Variants in PDK1 observed in about 807,000 individuals in gnomAD.
The protein encoded by PDK1 is pyruvate dehydrogenase kinase 1, also known as [Pyruvate dehydrogenase (acetyl-transferring)] kinase isozyme 1, mitochondrial.
In PDK1, 39 loss-of-function variants were observed where a neutral mutation model predicts 54.2. The ratio of observed to expected loss-of-function variants is 0.72; its 90% CI spans 0.56 to 0.94. PDK1 has a LOEUF of 0.94. Ranked by LOEUF, PDK1 falls within the 40% of genes least tolerant of loss-of-function variation. PDK1 has a pLI of 0.00. For synonymous variants in PDK1, 221 were observed against 207.1 expected, an observed-to-expected ratio of 1.07 and a Z score of -0.58; for missense variants, 552 against 566.0, an observed-to-expected ratio of 0.98 and a Z score of 0.25.
chr2:172,558,761 C>G lies in PDK1; in HGVS notation c.250C>G (p.Pro84Ala). Residue 84 changes from proline to alanine, a missense_variant, in exon 2 of 11, where the codon CCT becomes GCT. Coordinates refer to ENST00000282077, the MANE Select transcript of PDK1 (RefSeq NM_002610.5). ...TSFMFLRQEL[P>A]VRLANIMKEI... is the part of the protein sequence containing the mutation. Reference sequence around the variant, plus strand: ...ATTTATGTTTCTGCGGCAAGAGTTGCCTGTCAGACTGGCAAATATAATGAA... The same window carrying G: ...ATTTATGTTTCTGCGGCAAGAGTTGGCTGTCAGACTGGCAAATATAATGAA... 6.2e-7 allele frequency: 1 copy of G among 1,610,208 alleles called. No homozygotes were observed. Among genetic ancestry groups the G allele is most frequent in the Non-Finnish European group, 8.5e-7 (1 of 1,178,608 alleles).
the PDK1 span, among the ~76,000 whole-genome samples, chr2:172,692,642 A>G: frequency 1.3e-5 from 2 of 152,006 alleles, no homozygotes; most frequent in African/African-American, 4.8e-5. Context: ...TTATAGGGAG[A>G]GGGTATTGAG....
chr2:172,585,196 A>T (rs752769412), intron 8 of PDK1, among the ~76,000 whole-genome samples: 1 of 150,064 alleles, frequency 6.7e-6, no homozygotes, highest in African/African-American at 2.5e-5. Context: ...ATGGGGTCTT[A>T]CTCTGTTGTG....
chr2:172,701,311 T>C, the PDK1 span, among the ~76,000 whole-genome samples: 1 of 146,138 alleles, frequency 6.8e-6, no homozygotes, highest in Non-Finnish European at 1.5e-5. Flanking sequence ...AGATACTATG[T>C]TTTGATTAAA....
intron 8 of PDK1, among the ~76,000 whole-genome samples, chr2:172,585,773 T>C (rs974645407): frequency 6.6e-6 from 1 of 152,168 alleles, no homozygotes; most frequent in African/African-American, 2.4e-5. Context: ...TGATGGAGTT[T>C]ATGTATTAGA....
rs1282520874 is a variant in PDK1, at chr2:172,595,839, C to T, written c.1181C>T (p.Thr394Ile). ...GTTTTTCTTTTTCAGGCTCTGTCAACAGACTCAATAGAAAGACTCCCAGTG... is the reference window on the plus strand; with the variant it reads ...GTTTTTCTTTTTCAGGCTCTGTCAATAGACTCAATAGAAAGACTCCCAGTG... ...DAVIYIKALS[T>I]DSIERLPVYN... Residue 394 changes from threonine (T) to isoleucine (I), a missense_variant, in exon 11 of 11, where the codon ACA becomes ATA. Physicochemically the swap from Thr to Ile is moderately conservative, Grantham distance 89. Coordinates refer to ENST00000282077, the MANE Select transcript of PDK1 (RefSeq NM_002610.5). The T allele has an allele frequency of 6.2e-7, 1 of 1,613,674 alleles. No homozygotes were observed. Among genetic ancestry groups the T allele is most frequent in the Admixed American group, 1.7e-5 (1 of 59,996 alleles).
chr2:172,651,511 C>A, the PDK1 span, among the ~76,000 whole-genome samples: 2 of 152,016 alleles, frequency 1.3e-5, no homozygotes, highest in Non-Finnish European at 2.9e-5. Flanking sequence ...AAAAACCCTT[C>A]AAAAAATCAA....
chr2:172,614,200 G>T, the PDK1 span, among the ~76,000 whole-genome samples: 1 of 147,928 alleles, frequency 6.8e-6, no homozygotes, highest in Non-Finnish European at 1.5e-5. Context: ...CATCCCTGCA[G>T]GTTCAGGGGT....
chr2:172,716,104 T>C, the PDK1 span, among the ~76,000 whole-genome samples: 2 of 152,300 alleles, frequency 1.3e-5, no homozygotes, highest in Admixed American at 1.3e-4. Context: ...TTAGCAAAAA[T>C]GAACAAAGTT....
chr2:172,592,207 C>A (rs930865105), intron 9 of PDK1, among the ~76,000 whole-genome samples: 2 of 152,248 alleles, frequency 1.3e-5, no homozygotes, highest in Admixed American at 6.5e-5. Flanking sequence ...TATAGGGTTA[C>A]AGAGAAGACC....
the PDK1 span, among the ~76,000 whole-genome samples, chr2:172,684,871 C>T: frequency 6.6e-6 from 1 of 152,176 alleles, no homozygotes; most frequent in East Asian, 1.9e-4. Flanking sequence ...ATCCAAATCT[C>T]ATCTTGAATT....
chr2:172,713,312 T>A, the PDK1 span, among the ~76,000 whole-genome samples: 1 of 152,154 alleles, frequency 6.6e-6, no homozygotes, highest in African/African-American at 2.4e-5. Flanking sequence ...AAGTTTTCAC[T>A]CCAGTCCGTG....
the PDK1 span, among the ~76,000 whole-genome samples, chr2:172,636,971 G>A: frequency 2.0e-5 from 3 of 152,198 alleles, no homozygotes; most frequent in African/African-American, 7.2e-5. Flanking sequence ...AGGGTAAACA[G>A]TAAGTCTCCT....
intron 8 of PDK1, among the ~76,000 whole-genome samples, chr2:172,580,299 C>T (rs1191851841): frequency 6.8e-6 from 1 of 146,938 alleles, no homozygotes; most frequent in Non-Finnish European, 1.5e-5. Flanking sequence ...AGTTGTGTGT[C>T]AGCTACTTTC....
At chr2:172,684,145 G>T in the PDK1 span, among the ~76,000 whole-genome samples, 1 of 152,228 alleles carries the variant, frequency 6.6e-6, no homozygotes, top group Non-Finnish European at 1.5e-5. Flanking sequence ...ACTGGGCTGG[G>T]TGCAGTGGCT....
the PDK1 span, chr2:172,723,865 G>GTCAC: frequency 6.6e-6 from 1 of 152,150 alleles, no homozygotes; most frequent in Non-Finnish European, 1.5e-5. Flanking sequence ...GGCAACTGTG[G>GTCAC]TCACTGTTGG....
chr2:172,636,933 G>T, the PDK1 span, among the ~76,000 whole-genome samples: 1 of 152,034 alleles, frequency 6.6e-6, no homozygotes, highest in African/African-American at 2.4e-5. Flanking sequence ...ATAAAAAAGC[G>T]CATAGAAAAA....
the PDK1 span, among the ~76,000 whole-genome samples, chr2:172,620,870 G>A: frequency 2.6e-5 from 4 of 152,258 alleles, no homozygotes; most frequent in East Asian, 1.9e-4. Flanking sequence ...CTGCAGAACC[G>A]TGAGCCAATT....
chr2:172,604,705 T>G lies in PDK1; in HGVS notation c.*8736T>G, dbSNP rs1035104765. 1.3e-5 allele frequency: 2 copies of G among 152,222 alleles called. No homozygotes were observed. Among genetic ancestry groups the G allele is most frequent in the Non-Finnish European group, 2.9e-5 (2 of 68,052 alleles). 9.4% of individuals were successfully genotyped at this position (152,222 alleles called of 1,614,324 possible). ...AATGGCAACACCATGAACTTGACTT[T>G]GCCCTCTTGTCTAGCCCTCTCCATT... is the stretch of plus-strand genomic sequence containing the variant. On this transcript the variant is annotated 3_prime_UTR_variant, in exon 11 of 11. Coordinates refer to ENST00000282077, the MANE Select transcript of PDK1 (RefSeq NM_002610.5).
the PDK1 span, among the ~76,000 whole-genome samples, chr2:172,642,626 G>A: frequency 0.64 from 96,943 of 152,036 alleles, 32,161 homozygotes; most frequent in Non-Finnish European, 0.74. Flanking sequence ...TTGAGCCAGC[G>A]AGAGAATGAG....
Sources: allele counts gnomAD v4.1 joint callset (sites outside exome capture counted in the v4.1 genomes callset), GRCh38; gene constraint gnomAD v4.1.1; transcripts MANE v1.5; gene names NCBI Gene and HGNC (gene_info 2026-07-23, HGNC 2026-07-21).